The following NFASC variants were observed in gnomAD, a reference collection of about 807,000 sequenced individuals.
NFASC encodes neurofascin homolog.
NFASC carries 43 observed loss-of-function variants against 147.5 expected under a neutral mutation model. That is an observed-to-expected ratio of 0.29 (90% confidence interval 0.23 to 0.38). The LOEUF (loss-of-function observed/expected upper bound fraction) is 0.38. Among genes scored for constraint, NFASC ranks in the 10% least tolerant of loss-of-function variants. The pLI is 1.00. For synonymous variants in NFASC, 622 were observed against 665.5 expected (o/e 0.93, Z 1.01); for missense variants, 1,320 against 1,689.0 (o/e 0.78, Z 3.83).
chr1:204,848,853 C>A (rs531039994), intron 1 of NFASC, among the ~76,000 whole-genome samples: 8 of 152,280 alleles, frequency 5.3e-5, no homozygotes, highest in African/African-American at 1.9e-4. Flanking sequence ...AGAAGCAAAG[C>A]GTTCATTATC....
chr1:205,012,246 G>A (rs2096267270), intron 28 of NFASC, among the ~76,000 whole-genome samples: 1 of 152,168 alleles, frequency 6.6e-6, no homozygotes, highest in Admixed American at 6.5e-5. Context: ...TGGAGGAAAG[G>A]GGGCACGCCA....
At chr1:204,845,437 G>A (rs1240125654) in intron 1 of NFASC, among the ~76,000 whole-genome samples, 6 of 151,976 alleles carry the variant, frequency 3.9e-5, no homozygotes, top group African/African-American at 1.5e-4. Flanking sequence ...CAGCCTGGGC[G>A]ACAGAGTGAG....
rs150208217 is a variant in NFASC at position 204,875,831 on chromosome 1, A to G, written c.-199-44801A>G. Among the ~76,000 whole-genome samples, 451 of 152,264 alleles carry G rather than the reference A, an allele frequency of 3.0e-3. 5 individuals carry two copies. The highest frequency in any genetic ancestry group is 0.01 in the African/African-American group (428 of 41,542). The stretch of plus-strand genomic sequence containing the variant: ...TCTCCAACCAAGACAGGATGTTATT[A>G]ACTAGTTTTTGAGGGAACATTTGGA... On this transcript the variant is annotated intron_variant, in intron 1 of 29. Coordinates refer to ENST00000339876, the MANE Select transcript of NFASC (RefSeq NM_001005388.3).
At chr1:205,009,752 G>C in intron 28 of NFASC, 64 bp downstream of exon 28, 1 of 1,545,922 alleles carries the variant, frequency 6.5e-7, no homozygotes, top group Non-Finnish European at 8.8e-7. Flanking sequence ...TGAGTCTCCA[G>C]GTCTCCAGCC....
intron 1 of NFASC, among the ~76,000 whole-genome samples, chr1:204,837,441 C>T (rs1451846081): frequency 6.6e-6 from 1 of 152,192 alleles, no homozygotes; most frequent in East Asian, 1.9e-4. Flanking sequence ...CAGACTGTAG[C>T]AAACCTTGGC....
At chr1:204,927,052 A>G (rs1197256072) in intron 2 of NFASC, among the ~76,000 whole-genome samples, 1 of 152,118 alleles carries the variant, frequency 6.6e-6, no homozygotes. Context: ...TCTGGCCTGG[A>G]TGACAGAGGG....
chr1:204,876,945 A>G (rs2078910675), intron 1 of NFASC, among the ~76,000 whole-genome samples: 1 of 143,888 alleles, frequency 6.9e-6, no homozygotes, highest in Non-Finnish European at 1.5e-5. Context: ...AGGCACTTTG[A>G]TGGAGGGAAG....
intron 1 of NFASC, among the ~76,000 whole-genome samples, chr1:204,896,777 G>A (rs1028439625): frequency 5.9e-5 from 9 of 152,172 alleles, no homozygotes; most frequent in African/African-American, 2.2e-4. Context: ...AATGGCAGCC[G>A]ATGCCATTTA....
In NFASC at chr1:204,979,226, C is replaced by A; in HGVS notation, c.1979-136C>A. 1.0e-6 allele frequency: 1 copy of A among 958,892 alleles called. No individual in the cohort carries two copies. The highest frequency in any genetic ancestry group is 1.6e-6 in the Non-Finnish European group (1 of 614,356). The allele number at this position is 958,892 out of a possible 1,614,324, so 59.4% of individuals were successfully genotyped here. A position where few individuals can be genotyped will look rare whatever the true frequency, so the allele number is the denominator to read the frequency against. The stretch of plus-strand genomic sequence containing the variant: ...AGAGGCCTTGGTGTCTCTTCCTGTG[C>A]CTTGGGAAGAATTCTCCTTGTGCCT... On this transcript the variant is annotated intron_variant, in intron 18 of 29. Transcript: ENST00000339876. This position sits in a 1 kb window ranked among gnomAD's most constrained non-coding sequence, Gnocchi z 6.0.
intron 4 of NFASC, among the ~76,000 whole-genome samples, chr1:204,951,072 ATGTTG>A (rs2094079573): frequency 6.6e-6 from 1 of 151,624 alleles, no homozygotes; most frequent in Admixed American, 6.6e-5. Context: ...TGTGCACTGT[ATGTTG>A]TGCTAGGCAT....
chr1:204,912,147 A>T, intron 1 of NFASC, among the ~76,000 whole-genome samples: 1 of 145,594 alleles, frequency 6.9e-6, no homozygotes, highest in African/African-American at 2.5e-5. Context: ...GCTCTTTATT[A>T]TTTCCTTCCT....
chr1:204,985,882 C>T (rs1345317122), intron 21 of NFASC: 1 of 1,540,574 alleles, frequency 6.5e-7, no homozygotes, highest in Non-Finnish European at 8.9e-7. Context: ...CCTGCCTGAC[C>T]CCTCACCAGC....
In NFASC at chr1:205,016,406, G is replaced by A; in HGVS notation, c.3590G>A (p.Gly1197Asp). ...SDDSLVDYGE[G>D]GEGQFNEDGS... ...GACAGCCTGGTGGACTATGGCGAGG[G>A]TGGCGAGGGTCAGTTCAATGAAGAC... The change falls in exon 30 of 30, where the codon GGT becomes GAT. Residue 1197 changes from glycine to aspartate, a missense_variant. Physicochemically the swap from Gly to Asp is moderately conservative, Grantham distance 94. Transcript: ENST00000339876. The surrounding 1 kb of genome is among the most constrained non-coding windows in gnomAD (Gnocchi z 5.1). 1 of 1,614,070 alleles carries A rather than the reference G, an allele frequency of 6.2e-7. No individual in the cohort carries two copies. The highest frequency in any genetic ancestry group is 8.5e-7 in the Non-Finnish European group (1 of 1,179,958).
Position 204,979,475 on chromosome 1 carries a change from T to C in NFASC, c.2092T>C (p.Tyr698His). 1 of 1,613,956 alleles carries C rather than the reference T, an allele frequency of 6.2e-7. No homozygotes were observed. Among genetic ancestry groups the C allele is most frequent in the Non-Finnish European group, 8.5e-7 (1 of 1,180,014 alleles). The change falls in exon 19 of 30, where the codon TAC becomes CAC. Residue 698 changes from tyrosine to histidine, a missense_variant. Around this residue, in one of 3 missense-constraint regions of NFASC, gnomAD observed 981 missense variants for 1,289.5 expected, o/e 0.76. Coordinates refer to ENST00000339876, the MANE Select transcript of NFASC (RefSeq NM_001005388.3). This position sits in a 1 kb window ranked among gnomAD's most constrained non-coding sequence, Gnocchi z 6.0. Reference protein sequence around the residue: ...AVLRLSPYVNYQFRVIAINEV... With the variant: ...AVLRLSPYVNHQFRVIAINEV... Reference sequence around the variant, plus strand: ...CCTCCGGCTGTCCCCGTATGTCAACTACCAGTTCCGTGTCATTGCCATCAA... The same window carrying C: ...CCTCCGGCTGTCCCCGTATGTCAACCACCAGTTCCGTGTCATTGCCATCAA...
At chr1:204,904,814 G>T (rs1572786979) in intron 1 of NFASC, among the ~76,000 whole-genome samples, 1 of 152,092 alleles carries the variant, frequency 6.6e-6, no homozygotes, top group African/African-American at 2.4e-5. Context: ...CTCATCATTG[G>T]TCCATGCAGG....
At chr1:204,924,584 A>T (rs912888869) in intron 2 of NFASC, among the ~76,000 whole-genome samples, 4 of 152,180 alleles carry the variant, frequency 2.6e-5, no homozygotes, top group African/African-American at 9.7e-5. Context: ...TGGCAAAGGC[A>T]GGAGAGAGGG....
chr1:204,973,539 T>G, intron 12 of NFASC, 120 bp downstream of exon 12: 1 of 1,268,412 alleles, frequency 7.9e-7, no homozygotes, highest in Non-Finnish European at 1.1e-6. Flanking sequence ...CTGGGTGAGG[T>G]AAGAGGATGT....
At position 204,897,423 on chromosome 1, in the gene NFASC, C is replaced by T. The variant is rs182887680; in HGVS notation, c.-199-23209C>T. On this transcript the variant is annotated intron_variant, in intron 1 of 29. Transcript: ENST00000339876. ...AGGCTAGAGTTTAAACCCAGTGATA[C>T]GGAGAAAGGATTGGAGAGCAATCTT... is the stretch of plus-strand genomic sequence containing the variant. Among the ~76,000 whole-genome samples the T allele has an allele frequency of 8.5e-5, 13 of 152,148 alleles. No individual in the cohort carries two copies. In the East Asian group the frequency reaches 9.7e-4, roughly 11 times the overall value.
At position 204,877,946 on chromosome 1, in the gene NFASC, A is replaced by G. The variant is rs184122133; in HGVS notation, c.-199-42686A>G. Among the ~76,000 whole-genome samples the G allele has an allele frequency of 2.2e-4, 33 of 152,262 alleles. No homozygotes were observed. In the East Asian group the frequency reaches 6.4e-3, roughly 29 times the overall value. On this transcript the variant is annotated intron_variant, in intron 1 of 29. Coordinates refer to ENST00000339876, the MANE Select transcript of NFASC (RefSeq NM_001005388.3). ...GTGCCTGTGGCAAATGATGTTTCAA[A>G]CACTGCAGCCCTTGATGGGTACTTC... is the stretch of plus-strand genomic sequence containing the variant.
Sources: gnomAD v4.1 joint callset for allele counts (sites outside exome capture counted in the v4.1 genomes callset) on GRCh38, gnomAD v4.1.1 for gene constraint, gnomAD v4.1.1 regional missense constraint, Gnocchi (gnomAD v3.1) non-coding constraint, MANE v1.5 for transcripts, NCBI Gene and HGNC (gene_info 2026-07-23, HGNC 2026-07-21) for gene names.